Variants in PPP2R5E observed in about 807,000 individuals in gnomAD.
The protein encoded by PPP2R5E is serine/threonine-protein phosphatase 2A 56 kDa regulatory subunit epsilon isoform.
Under a neutral mutation model 65.3 loss-of-function variants are expected in PPP2R5E, and 4 were observed. The ratio of observed to expected loss-of-function variants is 0.06; its 90% CI spans 0.03 to 0.14. PPP2R5E has a LOEUF of 0.14. Ranked by LOEUF, PPP2R5E falls within the 10% of genes least tolerant of loss-of-function variation. The probability of loss-of-function intolerance (pLI) is 1.00; values close to 1 mark genes in which losing one functional copy is unlikely to be tolerated. For synonymous variants in PPP2R5E, 183 were observed against 187.4 expected, an observed-to-expected ratio of 0.98 and a Z score of 0.19; for missense variants, 274 against 556.1, an observed-to-expected ratio of 0.49 and a Z score of 5.10.
intron 13 of PPP2R5E, among the ~76,000 whole-genome samples, chr14:63,376,445 C>T (rs911118315): frequency 1.3e-4 from 19 of 144,762 alleles, no homozygotes; most frequent in African/African-American, 5.2e-4. Context: ...ATTTTTCCCA[C>T]CTCATGCATA....
chr14:63,378,081 T>A (rs1008694779), intron 13 of PPP2R5E, among the ~76,000 whole-genome samples: 1 of 152,222 alleles, frequency 6.6e-6, no homozygotes, highest in African/African-American at 2.4e-5. Context: ...TATCACTTTT[T>A]GTTTCTCAGT....
intron 2 of PPP2R5E, among the ~76,000 whole-genome samples, chr14:63,535,129 CAT>C (rs1893615820): frequency 6.6e-6 from 1 of 152,122 alleles, no homozygotes; most frequent in South Asian, 2.1e-4. Context: ...ACCTATTAGA[CAT>C]AGGGCAAAAT....
At chr14:63,395,372 G>GGGA (rs1032817696) in intron 6 of PPP2R5E, 87 bp from the exon 7 acceptor site, 163 of 749,184 alleles carry the variant, frequency 2.2e-4, no homozygotes, top group Non-Finnish European at 3.1e-4. Flanking sequence ...GAGGAGAAGG[G>GGGA]GGAGGAGGAG....
chr14:63,468,858 C>T (rs1594908899), intron 2 of PPP2R5E, among the ~76,000 whole-genome samples: 1 of 152,302 alleles, frequency 6.6e-6, no homozygotes, highest in East Asian at 1.9e-4. Flanking sequence ...TAACCTCCCA[C>T]TAAAATAACA....
chr14:63,529,361 C>CTT (rs557363996), intron 2 of PPP2R5E, among the ~76,000 whole-genome samples: 1,421 of 129,638 alleles, frequency 0.011, 26 homozygotes, highest in East Asian at 0.046. Context: ...AGCCCAAAGA[C>CTT]TTTTTTTTTT....
At chr14:63,505,550 T>C (rs1449157918) in intron 2 of PPP2R5E, among the ~76,000 whole-genome samples, 1 of 151,960 alleles carries the variant, frequency 6.6e-6, no homozygotes, top group Non-Finnish European at 1.5e-5. Context: ...GGAGGCTGAG[T>C]TCTTCAAGCT....
intron 3 of PPP2R5E, among the ~76,000 whole-genome samples, chr14:63,446,977 C>A (rs1888516303): frequency 6.6e-6 from 1 of 152,112 alleles, no homozygotes; most frequent in Non-Finnish European, 1.5e-5. Flanking sequence ...CAGTGGGCCT[C>A]AACAGTGAAT....
In PPP2R5E at chr14:63,522,529, A is replaced by G. The variant is rs866687393; in HGVS notation, c.157+17000T>C. On this transcript the variant is annotated intron_variant, in intron 2 of 13. Transcript: ENST00000337537. ...CCTCTTCCCGGCCGCCATCCCATCT[A>G]GGAAGTGAGGAGCGTCTCTGCCCGG... 3.6e-3 allele frequency among the ~76,000 whole-genome samples: 521 copies of G among 144,306 alleles called. 1 individual carries two copies. Among genetic ancestry groups the G allele is most frequent in the Non-Finnish European group, 6.2e-3 (405 of 65,720 alleles). 94.7% of individuals were successfully genotyped at this position (144,306 alleles called of 152,430 possible).
At chr14:63,413,306 T>C (rs1268946778) in intron 5 of PPP2R5E, among the ~76,000 whole-genome samples, 2 of 152,218 alleles carry the variant, frequency 1.3e-5, no homozygotes, top group African/African-American at 4.8e-5. Flanking sequence ...AAATACAGGC[T>C]CTAATAGAGA....
chr14:63,394,070 C>CTTTTTTTT (rs557273298), intron 7 of PPP2R5E, 142 bp from the exon 8 acceptor site: 2 of 176,304 alleles, frequency 1.1e-5, no homozygotes, highest in Non-Finnish European at 1.1e-5. Context: ...TCAGAATTTC[C>CTTTTTTTT]TTTTTTTTTT....
chr14:63,415,638 TCA>T (rs745731615), intron 4 of PPP2R5E, among the ~76,000 whole-genome samples: 3 of 152,192 alleles, frequency 2.0e-5, no homozygotes, highest in African/African-American at 2.4e-5. Context: ...TTTTACAGTT[TCA>T]CAGACTACTT....
At chr14:63,483,881 G>A (rs932587342) in intron 2 of PPP2R5E, among the ~76,000 whole-genome samples, 16 of 151,956 alleles carry the variant, frequency 1.1e-4, no homozygotes, top group African/African-American at 3.6e-4. Context: ...TCAGGAGTTC[G>A]ACACCAGCCT....
chr14:63,487,825 CT>C (rs1222445759), intron 2 of PPP2R5E, among the ~76,000 whole-genome samples: 2 of 152,116 alleles, frequency 1.3e-5, no homozygotes, highest in Non-Finnish European at 2.9e-5. Context: ...ATCACTTTTT[CT>C]TAATTTTCCT....
At chr14:63,396,821 G>A in intron 5 of PPP2R5E, 105 bp from the exon 6 acceptor site, 2 of 1,399,386 alleles carry the variant, frequency 1.4e-6, no homozygotes, top group South Asian at 2.7e-5. Flanking sequence ...AAAATGTGTT[G>A]AATATCTATT....
rs528516388 is a variant in PPP2R5E at position 63,395,170 on chromosome 14, C to G, written c.740+56G>C. On this transcript the variant is annotated intron_variant, in intron 7 of 13. Coordinates refer to ENST00000337537, the MANE Select transcript of PPP2R5E (RefSeq NM_006246.5). ...TGAGCATCTCTTGGTGCCACCTGAACCTAATTTTTAAAATAATATTCATCT... is the reference window on the plus strand; with the variant it reads ...TGAGCATCTCTTGGTGCCACCTGAAGCTAATTTTTAAAATAATATTCATCT... 67 of 1,470,926 alleles carry G rather than the reference C, an allele frequency of 4.6e-5. No homozygotes were observed. The East Asian group carries it at 1.5e-3, about 32-fold the overall frequency. The allele number at this position is 1,470,926 out of a possible 1,614,324, so 91.1% of individuals were successfully genotyped here. A position where few individuals can be genotyped will look rare whatever the true frequency, so the allele number is the denominator to read the frequency against.
In PPP2R5E at chr14:63,388,525, C is replaced by T. The variant is rs1034508240; in HGVS notation, c.1074+1087G>A. Reference sequence around the variant, plus strand: ...TGAAAACTGAAAAAAATAAGGTAAACAATCCAGATGTGTGAGCACTAAAGG... The same window carrying T: ...TGAAAACTGAAAAAAATAAGGTAAATAATCCAGATGTGTGAGCACTAAAGG... On this transcript the variant is annotated intron_variant, in intron 11 of 13. Coordinates refer to ENST00000337537, the MANE Select transcript of PPP2R5E (RefSeq NM_006246.5). Among the ~76,000 whole-genome samples, 13 of 152,278 alleles carry T rather than the reference C, an allele frequency of 8.5e-5. No homozygotes were observed. In the East Asian group the frequency reaches 2.5e-3, roughly 29 times the overall value.
At chr14:63,453,501 G>C in intron 3 of PPP2R5E, 188 bp downstream of exon 3, 1 of 461,236 alleles carries the variant, frequency 2.2e-6, no homozygotes, top group East Asian at 3.5e-5. Context: ...TTAAAGTTCT[G>C]GATTTCGTTC....
chr14:63,392,226 C>T (rs1885065116), intron 8 of PPP2R5E, among the ~76,000 whole-genome samples: 1 of 152,136 alleles, frequency 6.6e-6, no homozygotes, highest in Non-Finnish European at 1.5e-5. Context: ...TAACAAGGCT[C>T]CAGGGAACTT....
chr14:63,462,652 T>TC (rs1566720534), intron 2 of PPP2R5E, among the ~76,000 whole-genome samples: 1 of 152,258 alleles, frequency 6.6e-6, no homozygotes, highest in African/African-American at 2.4e-5. Flanking sequence ...GCATCTTATT[T>TC]CCCCATGTTT....
Sources: allele counts gnomAD v4.1 joint callset (sites outside exome capture counted in the v4.1 genomes callset), GRCh38; gene constraint gnomAD v4.1.1; transcripts MANE v1.5; gene names NCBI Gene and HGNC (gene_info 2026-07-23, HGNC 2026-07-21).